Variants in MTAP observed in about 807,000 individuals in gnomAD.
The protein encoded by MTAP is methylthioadenosine phosphorylase.
In MTAP, 33 loss-of-function variants were observed where a neutral mutation model predicts 33.6. The observed-to-expected ratio is 0.98, with a 90% CI of 0.74 to 1.31. The LOEUF is 1.31. Ranked by LOEUF, MTAP falls within the 40% of genes most tolerant of loss-of-function variation. The pLI is 0.00. For missense variants in MTAP, 367 were observed against 360.0 expected, an observed-to-expected ratio of 1.02 and a Z score of -0.16; for synonymous variants, 148 against 125.7, an observed-to-expected ratio of 1.18 and a Z score of -1.19.
At chr9:21,907,399 C>A (rs902462277) in intron 1 of MTAP, among the ~76,000 whole-genome samples, 2 of 152,112 alleles carry the variant, frequency 1.3e-5, no homozygotes, top group African/African-American at 4.8e-5. Flanking sequence ...TCTACAAAAA[C>A]CTACAAAAAT....
rs1346397866 is a variant in MTAP, at chr9:21,897,551, A to G, written c.148-33457A>G. On this transcript the variant is annotated intron_variant, in intron 1 of 1. Coordinates refer to the MTAP transcript ENST00000577563. ...AGCAAAGTCTCAGGATACAAAATCA[A>G]TGTGAAAACATCACAAGCATTCTTA... Among the ~76,000 whole-genome samples, 4 of 152,244 alleles carry G rather than the reference A, an allele frequency of 2.6e-5. No individual in the cohort carries two copies. In the East Asian group the frequency reaches 5.8e-4, roughly 22 times the overall value.
At chr9:21,850,975 TG>T (rs1190031266) in intron 5 of MTAP, among the ~76,000 whole-genome samples, 2 of 152,326 alleles carry the variant, frequency 1.3e-5, no homozygotes, top group Admixed American at 1.3e-4. Context: ...CAGTGCTGGC[TG>T]GGGTGATTGA....
At chr9:21,874,490 T>C (rs1292402937) in intron 1 of MTAP, among the ~76,000 whole-genome samples, 2 of 152,178 alleles carry the variant, frequency 1.3e-5, no homozygotes, top group African/African-American at 4.8e-5. Context: ...GCCATCTCTT[T>C]TAGTAAATGT....
At chr9:21,823,103 T>C (rs1245633491) in intron 4 of MTAP, among the ~76,000 whole-genome samples, 1 of 152,258 alleles carries the variant, frequency 6.6e-6, no homozygotes, top group African/African-American at 2.4e-5. Context: ...CTGTGTCTTT[T>C]AATTGGAGCA....
downstream of MTAP, among the ~76,000 whole-genome samples, chr9:21,868,340 A>G (rs997582849): frequency 4.6e-5 from 7 of 152,194 alleles, no homozygotes; most frequent in African/African-American, 1.7e-4. Flanking sequence ...TTTCAGGAGG[A>G]TGACTATCTA....
rs775649606 is a variant in MTAP, at chr9:21,818,025, C to T, written c.180-10C>T. 1.2e-6 allele frequency: 2 copies of T among 1,602,894 alleles called. No homozygotes were observed. Among genetic ancestry groups the T allele is most frequent in the South Asian group, 2.2e-5 (2 of 89,130 alleles). ...ATCACGGGTTAACAATTTCTTCTCT[C>T]CTTCCATAGGCATGGAAGGCAGCAC... On this transcript the variant is annotated splice_polypyrimidine_tract_variant and intron_variant, in intron 3 of 7. Transcript: ENST00000644715.
chr9:21,804,916 G>A (rs938923518), intron 1 of MTAP, among the ~76,000 whole-genome samples: 1 of 152,196 alleles, frequency 6.6e-6, no homozygotes, highest in Admixed American at 6.5e-5. Flanking sequence ...TGTGGTCTCT[G>A]CCCTGTTTTC....
intron 1 of MTAP, among the ~76,000 whole-genome samples, chr9:21,887,642 G>C (rs1587276098): frequency 6.6e-6 from 1 of 152,164 alleles, no homozygotes; most frequent in African/African-American, 2.4e-5. Context: ...TGGGATGGCT[G>C]GGTCAAATGG....
chr9:21,888,402 G>A (rs932314254), intron 1 of MTAP, among the ~76,000 whole-genome samples: 2 of 152,104 alleles, frequency 1.3e-5, no homozygotes, highest in South Asian at 4.1e-4. Context: ...AATCGGTCTA[G>A]TGCTGTCAGT....
At chr9:21,905,277 G>C (rs2118824422) in intron 1 of MTAP, among the ~76,000 whole-genome samples, 1 of 152,238 alleles carries the variant, frequency 6.6e-6, no homozygotes, top group Non-Finnish European at 1.5e-5. Context: ...TGGTGAGCCA[G>C]AAGGGGAATG....
chr9:21,814,752 A>G (rs769611421), intron 1 of MTAP, among the ~76,000 whole-genome samples: 16 of 152,230 alleles, frequency 1.1e-4, no homozygotes, highest in Non-Finnish European at 1.3e-4. Context: ...GCATAAATGT[A>G]TTTACTGAGT....
At chr9:21,904,756 G>T (rs1198520033) in intron 1 of MTAP, among the ~76,000 whole-genome samples, 1 of 152,126 alleles carries the variant, frequency 6.6e-6, no homozygotes, top group African/African-American at 2.4e-5. Context: ...TAATTGTCTC[G>T]ATCTACTTAG....
At chr9:21,834,595 C>T (rs1337550365) in intron 4 of MTAP, among the ~76,000 whole-genome samples, 5 of 152,228 alleles carry the variant, frequency 3.3e-5, no homozygotes, top group African/African-American at 7.2e-5. Flanking sequence ...CATCCATCTT[C>T]AGAGCCAGCA....
chr9:21,805,883 G>A (rs911993332), intron 1 of MTAP, among the ~76,000 whole-genome samples: 7 of 152,084 alleles, frequency 4.6e-5, no homozygotes, highest in African/African-American at 1.4e-4. Flanking sequence ...GTGAAAATAG[G>A]GATAAAGGGT....
intron 1 of MTAP, among the ~76,000 whole-genome samples, chr9:21,884,292 A>G (rs1818071457): frequency 6.6e-6 from 1 of 152,118 alleles, no homozygotes; most frequent in Non-Finnish European, 1.5e-5. Context: ...GTTTTGTTTT[A>G]ATTGCCCCAA....
chr9:21,901,083 G>C (rs1331786697), intron 1 of MTAP, among the ~76,000 whole-genome samples: 1 of 152,094 alleles, frequency 6.6e-6, no homozygotes, highest in Non-Finnish European at 1.5e-5. Context: ...TTATTACCTG[G>C]GTGATGGAAT....
At chr9:21,835,299 C>A (rs1825078461) in intron 4 of MTAP, among the ~76,000 whole-genome samples, 2 of 152,080 alleles carry the variant, frequency 1.3e-5, no homozygotes, top group African/African-American at 4.8e-5. Flanking sequence ...AAACTTCAGA[C>A]CATAGCAGTA....
intron 1 of MTAP, chr9:21,803,034 A>ACACACACACACACACACACC: frequency 9.8e-7 from 1 of 1,021,470 alleles, no homozygotes; most frequent in Middle Eastern, 3.5e-4. Flanking sequence ...ACACACACAC[A>ACACACACACACACACACACC]CACCACCTTT....
intron 1 of MTAP, among the ~76,000 whole-genome samples, chr9:21,926,305 A>G (rs575685149): frequency 6.6e-6 from 1 of 152,090 alleles, no homozygotes; most frequent in Non-Finnish European, 1.5e-5. Context: ...TTAATATACT[A>G]TAACTCGCTA....
Sources: allele counts gnomAD v4.1 joint callset (sites outside exome capture counted in the v4.1 genomes callset), GRCh38; gene constraint gnomAD v4.1.1; transcripts MANE v1.5; gene names NCBI Gene and HGNC (gene_info 2026-07-23, HGNC 2026-07-21).